The following DACH1 variants were observed in gnomAD, a reference collection of about 807,000 sequenced individuals.
DACH1 encodes dachshund homolog 1.
DACH1 carries 12 observed loss-of-function variants against 54.2 expected under a neutral mutation model. That is an observed-to-expected ratio of 0.22 (90% CI 0.14 to 0.36). The LOEUF is 0.36. Ranked by LOEUF, DACH1 falls within the 10% of genes least tolerant of loss-of-function variation. DACH1 has a pLI of 1.00. For synonymous variants in DACH1, 386 were observed against 366.2 expected, an observed-to-expected ratio of 1.05 and a Z score of -0.62; for missense variants, 805 against 929.8, an observed-to-expected ratio of 0.87 and a Z score of 1.75.
chr13:71,712,559 CTA>C lies in DACH1; in HGVS notation c.849-30651_849-30650del, dbSNP rs1882769728. Among the ~76,000 whole-genome samples, 7 of 152,158 alleles carry C rather than the reference CTA, an allele frequency of 4.6e-5. 1 individual carries two copies. The highest frequency in any genetic ancestry group is 1.7e-4 in the African/African-American group (7 of 41,530). On this transcript the variant is annotated intron_variant, in intron 1 of 10. Transcript: ENST00000613252. The stretch of plus-strand genomic sequence containing the variant: ...AATTTCTGCAAGTTTAGGTTGTAGT[CTA>C]AAGTTCAGGATTTTAAATTGGTTTG...
At chr13:71,703,627 G>C (rs1432394319) in intron 1 of DACH1, among the ~76,000 whole-genome samples, 1 of 152,184 alleles carries the variant, frequency 6.6e-6, no homozygotes, top group Non-Finnish European at 1.5e-5. Flanking sequence ...CTCAACTGCA[G>C]ATAGAATGCA....
chr13:71,573,318 T>G, intron 3 of DACH1: 1 of 653,172 alleles, frequency 1.5e-6, no homozygotes, highest in South Asian at 1.8e-5. Flanking sequence ...CAATTAGCTA[T>G]GTAAATATAG....
chr13:71,751,600 G>A (rs1457599775), intron 1 of DACH1, among the ~76,000 whole-genome samples: 1 of 152,148 alleles, frequency 6.6e-6, no homozygotes, highest in Non-Finnish European at 1.5e-5. Flanking sequence ...ATGTCCTGAT[G>A]TAAGATGTAG....
intron 1 of DACH1, among the ~76,000 whole-genome samples, chr13:71,743,807 A>G (rs1884500698): frequency 6.6e-6 from 1 of 152,190 alleles, no homozygotes; most frequent in Non-Finnish European, 1.5e-5. Context: ...GGAACTTTTC[A>G]TGTCTTTTTC....
chr13:71,466,672 G>A lies in DACH1; in HGVS notation c.2083+8469C>T, dbSNP rs140463892. Among the ~76,000 whole-genome samples, 1,053 of 151,972 alleles carry A rather than the reference G, an allele frequency of 6.9e-3. 11 individuals carry two copies. The highest frequency in any genetic ancestry group is 0.024 in the African/African-American group (991 of 41,456). On this transcript the variant is annotated intron_variant, in intron 10 of 10. Transcript: ENST00000613252. ...AGCCTGAGCAACATGGCAAAACCCTGTGTCTACAAAAAATATGAAAATTAG... is the reference window on the plus strand; with the variant it reads ...AGCCTGAGCAACATGGCAAAACCCTATGTCTACAAAAAATATGAAAATTAG...
At position 71,438,392 on chromosome 13, in the gene DACH1, T is replaced by C; in HGVS notation, c.*2263A>G. ...AAATTTCCAAACCAACCTGTATAAC[T>C]AAAACAGGGAAAAAATTAAGTTACA... is the stretch of plus-strand genomic sequence containing the variant. On this transcript the variant is annotated 3_prime_UTR_variant, in exon 11 of 11. Coordinates refer to ENST00000613252, the MANE Select transcript of DACH1 (RefSeq NM_080759.6). 1 of 152,370 alleles carries C rather than the reference T, an allele frequency of 6.6e-6. No individual in the cohort carries two copies. Among genetic ancestry groups the C allele is most frequent in the East Asian group, 1.9e-4 (1 of 5,198 alleles). The allele number at this position is 152,370 out of a possible 1,614,324, so 9.4% of individuals were successfully genotyped here. A position where few individuals can be genotyped will look rare whatever the true frequency, so the allele number is the denominator to read the frequency against.
intron 1 of DACH1, among the ~76,000 whole-genome samples, chr13:71,756,093 C>A (rs193107924): frequency 2.6e-5 from 4 of 151,946 alleles, no homozygotes; most frequent in Non-Finnish European, 5.9e-5. Context: ...TGCGGTAGCC[C>A]GATCTCGGCT....
intron 5 of DACH1, among the ~76,000 whole-genome samples, chr13:71,558,677 A>G (rs373933815): frequency 6.6e-6 from 1 of 152,050 alleles, no homozygotes; most frequent in Non-Finnish European, 1.5e-5. Flanking sequence ...AAAATTGTAT[A>G]TAAAGTTACA....
intron 2 of DACH1, among the ~76,000 whole-genome samples, chr13:71,681,566 T>A (rs1880894780): frequency 6.6e-6 from 1 of 152,216 alleles, no homozygotes; most frequent in African/African-American, 2.4e-5. Flanking sequence ...GTAGGATTAA[T>A]TAAAATAATT....
chr13:71,710,884 T>C (rs373886614), intron 1 of DACH1, among the ~76,000 whole-genome samples: 8 of 152,196 alleles, frequency 5.3e-5, no homozygotes, highest in Non-Finnish European at 1.0e-4. Flanking sequence ...CACTTAGAAG[T>C]TGACTTCTGG....
intron 6 of DACH1, among the ~76,000 whole-genome samples, chr13:71,532,360 A>G (rs1221512168): frequency 6.6e-6 from 1 of 151,966 alleles, no homozygotes; most frequent in Non-Finnish European, 1.5e-5. Context: ...AAAGAGAAAT[A>G]TTTATGAAAT....
At chr13:71,628,350 A>G (rs1705354652) in intron 3 of DACH1, among the ~76,000 whole-genome samples, 1 of 152,070 alleles carries the variant, frequency 6.6e-6, no homozygotes, top group African/African-American at 2.4e-5. Flanking sequence ...AGGATATTAT[A>G]AATTGGAAAT....
At position 71,732,821 on chromosome 13, in the gene DACH1, G is replaced by A. The variant is rs147882494; in HGVS notation, c.849-50911C>T. ...GCCTACAGATATTTACTATCTAACC[G>A]TCTCTAGAAACAGTTTGTCAATCAC... On this transcript the variant is annotated intron_variant, in intron 1 of 10. Coordinates refer to ENST00000613252, the MANE Select transcript of DACH1 (RefSeq NM_080759.6). Among the ~76,000 whole-genome samples the A allele has an allele frequency of 7.6e-3, 1,153 of 152,120 alleles. 14 individuals carry two copies. Among genetic ancestry groups the A allele is most frequent in the African/African-American group, 0.026 (1,060 of 41,478 alleles).
intron 1 of DACH1, among the ~76,000 whole-genome samples, chr13:71,796,197 A>G (rs1406979322): frequency 6.6e-6 from 1 of 152,154 alleles, no homozygotes; most frequent in Non-Finnish European, 1.5e-5. Context: ...CTTCATGAAA[A>G]AGAAGTTAGA....
chr13:71,672,407 C>G (rs1038523322), intron 2 of DACH1, among the ~76,000 whole-genome samples: 8 of 152,072 alleles, frequency 5.3e-5, no homozygotes, highest in African/African-American at 1.9e-4. Flanking sequence ...CCTGCCAACC[C>G]TTTCATAGCA....
chr13:71,822,108 T>C (rs1284385099), intron 1 of DACH1, among the ~76,000 whole-genome samples: 1 of 152,046 alleles, frequency 6.6e-6, no homozygotes, highest in South Asian at 2.1e-4. Context: ...AAATTATATA[T>C]AAATACATCC....
intron 1 of DACH1, among the ~76,000 whole-genome samples, chr13:71,813,613 T>A (rs1307302878): frequency 6.6e-6 from 1 of 152,134 alleles, no homozygotes; most frequent in Non-Finnish European, 1.5e-5. Flanking sequence ...AGAATAGGTT[T>A]AAGAACAAAC....
At chr13:71,733,828 T>C (rs1883863804) in intron 1 of DACH1, among the ~76,000 whole-genome samples, 1 of 152,080 alleles carries the variant, frequency 6.6e-6, no homozygotes, top group Admixed American at 6.6e-5. Flanking sequence ...TAAAAATTAT[T>C]TCCTATAAGC....
At chr13:71,611,288 A>G (rs1875311744) in intron 3 of DACH1, among the ~76,000 whole-genome samples, 1 of 152,200 alleles carries the variant, frequency 6.6e-6, no homozygotes, top group South Asian at 2.1e-4. Context: ...TTAAAACTGA[A>G]TTGGTTGCAA....
Sources: allele counts gnomAD v4.1 joint callset (sites outside exome capture counted in the v4.1 genomes callset), GRCh38; gene constraint gnomAD v4.1.1; transcripts MANE v1.5; gene names NCBI Gene and HGNC (gene_info 2026-07-23, HGNC 2026-07-21).